Variants in SCRN3 observed in about 807,000 individuals in gnomAD.
SCRN3 encodes the protein secernin-3.
Under a neutral mutation model 43.1 loss-of-function variants are expected in SCRN3, and 39 were observed. The observed-to-expected ratio is 0.91, with a 90% CI of 0.70 to 1.18. The LOEUF (loss-of-function observed/expected upper bound fraction) is 1.18, where lower values mean the gene tolerates loss of function less well. SCRN3 is among the 50% of genes most tolerant of loss of function. The probability of loss-of-function intolerance (pLI) is 0.00; values close to 1 mark genes in which losing one functional copy is unlikely to be tolerated. For missense variants in SCRN3, 484 were observed against 498.0 expected (o/e 0.97, Z 0.27); for synonymous variants, 147 against 163.1 (o/e 0.90, Z 0.75).
At chr2:174,417,956 A>G (rs571667313) in intron 5 of SCRN3, among the ~76,000 whole-genome samples, 3 of 152,352 alleles carry the variant, frequency 2.0e-5, no homozygotes, top group South Asian at 4.1e-4. Flanking sequence ...ACTTTTTGCT[A>G]GTAATAAACT....
intron 5 of SCRN3, among the ~76,000 whole-genome samples, chr2:174,413,171 C>A (rs1006993105): frequency 6.6e-6 from 1 of 151,970 alleles, no homozygotes; most frequent in Non-Finnish European, 1.5e-5. Context: ...CACACCCGGC[C>A]GATAGTGCTC....
chr2:174,410,725 TGTATATAGAACTTCTG>T (rs1685888352), intron 5 of SCRN3, among the ~76,000 whole-genome samples: 1 of 152,224 alleles, frequency 6.6e-6, no homozygotes, highest in Non-Finnish European at 1.5e-5. Flanking sequence ...GTTATTTTCT[TGTATATAGAACTTCTG>T]GCCAGAAGAC....
At chr2:174,403,138 C>T (rs13031216) in intron 4 of SCRN3, among the ~76,000 whole-genome samples, 24,538 of 151,206 alleles carry the variant, frequency 0.16, 2,310 homozygotes, top group South Asian at 0.29. Context: ...AGAGTCATTT[C>T]ACCCAAAGGG....
chr2:174,416,495 T>C (rs1038067888), intron 5 of SCRN3, among the ~76,000 whole-genome samples: 2 of 152,166 alleles, frequency 1.3e-5, no homozygotes, highest in Admixed American at 6.5e-5. Context: ...TCTGAGATAA[T>C]AACCTAACCA....
chr2:174,397,148 G>A, intron 1 of SCRN3: 1 of 979,236 alleles, frequency 1.0e-6, no homozygotes, highest in Non-Finnish European at 1.2e-6. Flanking sequence ...AGGAGAAGAG[G>A]AAAACCCTTA....
In SCRN3 at chr2:174,403,304, TA is replaced by T. The variant is rs148298936; in HGVS notation, c.542-787del. The stretch of plus-strand genomic sequence containing the variant: ...CCACTCTAGAAAATAGTTTGTCAGT[TA>T]AAAAAAAAAAACTAAACATGCAACT... On this transcript the variant is annotated intron_variant, in intron 4 of 7. Coordinates refer to ENST00000272732, the MANE Select transcript of SCRN3 (RefSeq NM_024583.5). Among the ~76,000 whole-genome samples the T allele has an allele frequency of 9.0e-3, 1,299 of 144,470 alleles. 18 individuals carry two copies. The highest frequency in any genetic ancestry group is 0.029 in the African/African-American group (1,153 of 39,738). The allele number at this position is 144,470 out of a possible 152,430, so 94.8% of individuals were successfully genotyped here. A position where few individuals can be genotyped will look rare whatever the true frequency, so the allele number is the denominator to read the frequency against.
In SCRN3 at chr2:174,424,464, C is replaced by G. The variant is rs1559084776; in HGVS notation, c.918-11C>G. On this transcript the variant is annotated splice_polypyrimidine_tract_variant and intron_variant, in intron 6 of 7. Transcript: ENST00000272732. ...TTGACATGATAATTTAATAAAGACT[C>G]TTTTTTCTAGATCTGTTTTTAAGCC... 6 of 1,555,526 alleles carry G rather than the reference C, an allele frequency of 3.9e-6. No individual in the cohort carries two copies. In the South Asian group the frequency reaches 5.9e-5, roughly 15 times the overall value.
intron 4 of SCRN3, among the ~76,000 whole-genome samples, chr2:174,403,236 C>T (rs1164746956): frequency 6.6e-6 from 1 of 151,904 alleles, no homozygotes; most frequent in East Asian, 1.9e-4. Flanking sequence ...TTTACTACAC[C>T]TCTATCACAG....
intron 7 of SCRN3, 28 bp from the exon 8 acceptor site, chr2:174,427,681 ATGTG>A: frequency 7.1e-7 from 1 of 1,405,538 alleles, no homozygotes; most frequent in Non-Finnish European, 9.8e-7. Flanking sequence ...GTATATGTAT[ATGTG>A]TTTATCTTTA....
chr2:174,402,625 G>T (rs1335062906), intron 4 of SCRN3, among the ~76,000 whole-genome samples: 1 of 152,130 alleles, frequency 6.6e-6, no homozygotes, highest in Non-Finnish European at 1.5e-5. Flanking sequence ...GGAGGTCGAG[G>T]CTGCAGTGAG....
chr2:174,405,843 C>A (rs1212122017), intron 5 of SCRN3, among the ~76,000 whole-genome samples: 1 of 149,158 alleles, frequency 6.7e-6, no homozygotes, highest in African/African-American at 2.4e-5. Flanking sequence ...CAGTACCATG[C>A]TGTTTTGGTT....
intron 5 of SCRN3, among the ~76,000 whole-genome samples, chr2:174,417,433 G>A (rs748178709): frequency 2.6e-5 from 4 of 151,854 alleles, no homozygotes; most frequent in African/African-American, 4.8e-5. Context: ...TTACACTGTC[G>A]ACTGGGCTGG....
intron 7 of SCRN3, among the ~76,000 whole-genome samples, chr2:174,425,816 G>A (rs1686463061): frequency 6.6e-6 from 1 of 152,100 alleles, no homozygotes; most frequent in Non-Finnish European, 1.5e-5. Context: ...TTCTGGTCCT[G>A]GCTCTGTAAA....
chr2:174,404,402 A>T, intron 5 of SCRN3, 87 bp downstream of exon 5: 1 of 817,918 alleles, frequency 1.2e-6, no homozygotes, highest in Non-Finnish European at 1.9e-6. Flanking sequence ...GTTTTGGGGA[A>T]TTATAATTAG....
chr2:174,413,185 T>C (rs966050920), intron 5 of SCRN3, among the ~76,000 whole-genome samples: 3 of 152,068 alleles, frequency 2.0e-5, no homozygotes, highest in African/African-American at 7.2e-5. Context: ...AGTGCTCTTT[T>C]AGGACAGCAA....
rs1453785709 is a variant in SCRN3, at chr2:174,400,055, GAGA to G, written c.299_301del (p.Glu100del). 5 of 1,597,142 alleles carry G rather than the reference GAGA, an allele frequency of 3.1e-6. No individual in the cohort carries two copies. The highest frequency in any genetic ancestry group is 3.4e-6 in the Non-Finnish European group (4 of 1,174,008). On this transcript the variant is annotated inframe_deletion, in exon 3 of 8. Transcript: ENST00000272732. ...ATTGGGAATGAAGCTGTATGGGGAA[GAGA>G]AGAAGTTTGTGATGAAGAAGCACTA...
intron 5 of SCRN3, among the ~76,000 whole-genome samples, chr2:174,414,357 A>G (rs1686029937): frequency 6.6e-6 from 1 of 152,142 alleles, no homozygotes; most frequent in Admixed American, 6.5e-5. Flanking sequence ...TTTTTCCCAT[A>G]TGCAGTTCCT....
At chr2:174,401,270 C>A in intron 4 of SCRN3, 81 bp downstream of exon 4, 2 of 1,051,702 alleles carry the variant, frequency 1.9e-6, no homozygotes, top group Non-Finnish European at 2.8e-6. Flanking sequence ...CATTTAATTG[C>A]TTCCAAGATT....
intron 4 of SCRN3, among the ~76,000 whole-genome samples, chr2:174,403,493 G>A (rs1189216794): frequency 1.3e-5 from 2 of 152,026 alleles, no homozygotes; most frequent in Admixed American, 1.3e-4. Flanking sequence ...AAGTAAGCAA[G>A]TTATCATACA....
Sources: allele counts gnomAD v4.1 joint callset (sites outside exome capture counted in the v4.1 genomes callset), GRCh38; gene constraint gnomAD v4.1.1; transcripts MANE v1.5; gene names NCBI Gene and HGNC (gene_info 2026-07-23, HGNC 2026-07-21).